Variants in RCAN3 observed in about 807,000 individuals in gnomAD.
The protein encoded by RCAN3 is calcipressin-3.
Under a neutral mutation model 21.9 loss-of-function variants are expected in RCAN3, and 19 were observed. The ratio of observed to expected loss-of-function variants is 0.87; its 90% confidence interval spans 0.61 to 1.27. The LOEUF (loss-of-function observed/expected upper bound fraction) is 1.27. Ranked by LOEUF, RCAN3 falls within the 50% of genes most tolerant of loss-of-function variation. RCAN3 has a pLI of 0.00. For missense variants in RCAN3, 240 were observed against 300.1 expected (o/e 0.80, Z 1.48); for synonymous variants, 114 against 112.3 (o/e 1.01, Z -0.09).
chr1:24,533,807 G>A (rs990451819), intron 4 of RCAN3, among the ~76,000 whole-genome samples: 1 of 151,966 alleles, frequency 6.6e-6, no homozygotes, highest in Non-Finnish European at 1.5e-5. Flanking sequence ...CTCCAAAAAA[G>A]TAAAAATAAA....
chr1:24,531,121 T>TTTTTTTTTTGAGACGG (rs1557578244), intron 2 of RCAN3, 97 bp from the exon 3 acceptor site: 1 of 859,390 alleles, frequency 1.2e-6, no homozygotes, highest in Non-Finnish European at 1.7e-6. Context: ...AATGAGTTCT[T>TTTTTTTTTTGAGACGG]AATTAGGTTT....
chr1:24,540,347 A>G lies in RCAN3; in HGVS notation c.*5070A>G, dbSNP rs980199944. The G allele has an allele frequency of 6.6e-6, 1 of 152,368 alleles. No homozygotes were observed. The allele number at this position is 152,368 out of a possible 1,614,324, so 9.4% of individuals were successfully genotyped here. A position where few individuals can be genotyped will look rare whatever the true frequency, so the allele number is the denominator to read the frequency against. ...TTCGTTATGTGGTCTGTCTGGATGTAAACCTATATATTTCCTTTTGAAACA... is the reference window on the plus strand; with the variant it reads ...TTCGTTATGTGGTCTGTCTGGATGTGAACCTATATATTTCCTTTTGAAACA... On this transcript the variant is annotated 3_prime_UTR_variant, in exon 5 of 5. Coordinates refer to ENST00000374395, the MANE Select transcript of RCAN3 (RefSeq NM_013441.4).
intron 2 of RCAN3, among the ~76,000 whole-genome samples, chr1:24,527,433 A>AT (rs1299797733): frequency 6.6e-6 from 1 of 152,208 alleles, no homozygotes; most frequent in Non-Finnish European, 1.5e-5. Context: ...GACATAATAT[A>AT]TTTTTTTAAA....
chr1:24,517,418 A>G (rs556788343), intron 2 of RCAN3, among the ~76,000 whole-genome samples: 16 of 151,984 alleles, frequency 1.1e-4, no homozygotes, highest in South Asian at 6.3e-4. Context: ...TATCCGGCCA[A>G]TCTTTTCTAT....
intron 2 of RCAN3, among the ~76,000 whole-genome samples, chr1:24,515,114 T>C (rs1414482757): frequency 2.0e-5 from 3 of 152,220 alleles, no homozygotes; most frequent in Non-Finnish European, 4.4e-5. Flanking sequence ...AGCACTGGCA[T>C]TTAGTGAACT....
At chr1:24,533,934 C>G (rs1650002927) in intron 4 of RCAN3, among the ~76,000 whole-genome samples, 1 of 152,188 alleles carries the variant, frequency 6.6e-6, no homozygotes, top group Non-Finnish European at 1.5e-5. Flanking sequence ...CTTCTCTCCC[C>G]AGCCCCACCA....
Position 24,505,868 on chromosome 1 carries a change from G to A in RCAN3, c.-60+2718G>A, listed in dbSNP as rs571964284. 7.7e-4 allele frequency among the ~76,000 whole-genome samples: 118 copies of A among 152,302 alleles called. 1 individual carries two copies. The highest frequency in any genetic ancestry group is 6.8e-3 in the Middle Eastern group (2 of 294). On this transcript the variant is annotated intron_variant, in intron 1 of 4. Transcript: ENST00000374395. ...TTATTATTATTTTAATCCTGGAGGA[G>A]AAAGAATTTGCGTTTTCCTGATCAG... is the stretch of plus-strand genomic sequence containing the variant.
intron 4 of RCAN3, among the ~76,000 whole-genome samples, chr1:24,534,803 A>T (rs577122209): frequency 7.4e-4 from 113 of 152,330 alleles, no homozygotes; most frequent in African/African-American, 2.6e-3. Flanking sequence ...CATCTCAAAT[A>T]AATAAATTAA....
chr1:24,520,671 G>A (rs1212897812), intron 2 of RCAN3, among the ~76,000 whole-genome samples: 6 of 145,050 alleles, frequency 4.1e-5, no homozygotes, highest in Admixed American at 1.4e-4. Context: ...ATCACACTCC[G>A]GGGACTGTTG....
rs948364067 is a variant in RCAN3 at position 24,514,644 on chromosome 1, G to A, written c.195+77G>A. 1.0e-5 allele frequency: 14 copies of A among 1,379,970 alleles called. No homozygotes were observed. The African/African-American group carries it at 1.7e-4, about 17-fold the overall frequency. 85.5% of individuals were successfully genotyped at this position (1,379,970 alleles called of 1,614,324 possible). On this transcript the variant is annotated intron_variant, in intron 2 of 4. Transcript: ENST00000374395. ...GGATTTGGGGAAACAGAGCTTGACT[G>A]GTCCCTGACAAATTAAGTATAGAAA... is the stretch of plus-strand genomic sequence containing the variant.
At position 24,536,188 on chromosome 1, in the gene RCAN3, A is replaced by G. The variant is rs540451363; in HGVS notation, c.*911A>G. 2.0e-5 allele frequency: 3 copies of G among 152,166 alleles called. No individual in the cohort carries two copies. The highest frequency in any genetic ancestry group is 4.4e-5 in the Non-Finnish European group (3 of 68,024). The allele number at this position is 152,166 out of a possible 1,614,324, so 9.4% of individuals were successfully genotyped here. A position where few individuals can be genotyped will look rare whatever the true frequency, so the allele number is the denominator to read the frequency against. On this transcript the variant is annotated 3_prime_UTR_variant, in exon 5 of 5. Coordinates refer to ENST00000374395, the MANE Select transcript of RCAN3 (RefSeq NM_013441.4). The stretch of plus-strand genomic sequence containing the variant: ...CTAGTTCTTGAGTTTTTTGGCTATG[A>G]TGTGTACGTTTATGTATGTCATTCA...
chr1:24,504,190 C>T (rs908122158), intron 1 of RCAN3, among the ~76,000 whole-genome samples: 2 of 152,172 alleles, frequency 1.3e-5, no homozygotes, highest in African/African-American at 4.8e-5. Context: ...CTCTTCTCTT[C>T]TCTTTTCTTC....
intron 1 of RCAN3, among the ~76,000 whole-genome samples, chr1:24,508,359 T>G (rs1018923037): frequency 1.8e-4 from 27 of 152,196 alleles, no homozygotes; most frequent in African/African-American, 5.5e-4. Context: ...CATCCTGTCT[T>G]AAGGTCGTTG....
At chr1:24,504,159 G>T (rs1229840918) in intron 1 of RCAN3, among the ~76,000 whole-genome samples, 4 of 152,152 alleles carry the variant, frequency 2.6e-5, no homozygotes, top group Admixed American at 6.5e-5. Flanking sequence ...TACTGCATTG[G>T]CAAGCCTTGC....
At position 24,535,370 on chromosome 1, in the gene RCAN3, G is replaced by T. The variant is rs1650158627; in HGVS notation, c.*93G>T. 1 of 1,373,052 alleles carries T rather than the reference G, an allele frequency of 7.3e-7. No individual in the cohort carries two copies. The highest frequency in any genetic ancestry group is 9.6e-7 in the Non-Finnish European group (1 of 1,037,944). 85.1% of individuals were successfully genotyped at this position (1,373,052 alleles called of 1,614,324 possible). On this transcript the variant is annotated 3_prime_UTR_variant, in exon 5 of 5. Coordinates refer to ENST00000374395, the MANE Select transcript of RCAN3 (RefSeq NM_013441.4). ...CGATGCGTTGCTGCGAACAGCATAG[G>T]TGAGACTCTGCCGAGTGAGGTATAG... is the stretch of plus-strand genomic sequence containing the variant.
intron 2 of RCAN3, among the ~76,000 whole-genome samples, chr1:24,521,949 G>T (rs761451365): frequency 2.0e-5 from 3 of 152,088 alleles, no homozygotes; most frequent in Admixed American, 1.3e-4. Flanking sequence ...TTGAGAGCTT[G>T]TATGGGATGA....
intron 1 of RCAN3, 32 bp from the exon 2 acceptor site, chr1:24,514,282 T>G: frequency 8.3e-7 from 1 of 1,203,972 alleles, no homozygotes. Flanking sequence ...GTCTTCGGAG[T>G]TTTACCTCTG....
rs1433546483 is a variant in RCAN3, at chr1:24,539,708, A to G, written c.*4431A>G. The stretch of plus-strand genomic sequence containing the variant: ...TATTTTAAAAGGGAAAATCTCACAC[A>G]TAATTAAGCAGTGGAAAATGTGCTC... On this transcript the variant is annotated 3_prime_UTR_variant, in exon 5 of 5. Transcript: ENST00000374395. The G allele has an allele frequency of 2.0e-5, 3 of 152,216 alleles. No individual in the cohort carries two copies. The highest frequency in any genetic ancestry group is 4.4e-5 in the Non-Finnish European group (3 of 68,042). The allele number at this position is 152,216 out of a possible 1,614,324, so 9.4% of individuals were successfully genotyped here. A position where few individuals can be genotyped will look rare whatever the true frequency, so the allele number is the denominator to read the frequency against.
chr1:24,533,477 A>G (rs1649964450), intron 4 of RCAN3, among the ~76,000 whole-genome samples: 1 of 152,148 alleles, frequency 6.6e-6, no homozygotes, highest in African/African-American at 2.4e-5. Flanking sequence ...AGCAGGGAGA[A>G]TCATATGCAC....
Sources: gnomAD v4.1 joint callset for allele counts (sites outside exome capture counted in the v4.1 genomes callset) on GRCh38, gnomAD v4.1.1 for gene constraint, MANE v1.5 for transcripts, NCBI Gene and HGNC (gene_info 2026-07-23, HGNC 2026-07-21) for gene names.